Variants in RUNX3 observed in about 807,000 individuals in gnomAD.
RUNX3 encodes runt-related transcription factor 3.
A neutral mutation model predicts 27.7 loss-of-function variants in RUNX3; 10 were observed. The ratio of observed to expected loss-of-function variants is 0.36; its 90% CI spans 0.22 to 0.61. The LOEUF (loss-of-function observed/expected upper bound fraction) is 0.61. RUNX3 is among the 20% of genes least tolerant of loss of function. RUNX3 has a pLI of 0.72. For synonymous variants in RUNX3, 270 were observed against 269.2 expected (o/e 1.00, Z -0.03); for missense variants, 469 against 629.5 (o/e 0.75, Z 2.73).
At chr1:24,931,268 C>G (rs1557847937), upstream of RUNX3, among the ~76,000 whole-genome samples, 2 of 152,206 alleles carry the variant, frequency 1.3e-5, no homozygotes, top group Non-Finnish European at 2.9e-5. Context: ...TGGGCCCGTG[C>G]GCTCCGGCTG....
At chr1:24,950,098 A>G (rs1641720701) in intron 2 of RUNX3, among the ~76,000 whole-genome samples, 1 of 152,272 alleles carries the variant, frequency 6.6e-6, no homozygotes. Flanking sequence ...ATCCTCAGGC[A>G]GGGCCAGTTA....
rs1450921624 is a variant in RUNX3 at position 24,907,431 on chromosome 1, G to A, written c.545-14C>T. On this transcript the variant is annotated splice_polypyrimidine_tract_variant and intron_variant, in intron 3 of 4. Transcript: ENST00000308873. ...TCTGCCGGTGCCCTGCAGAGCACAG[G>A]AAGCCCATCAGCCGTTGCTTCCCCA... The A allele has an allele frequency of 6.2e-7, 1 of 1,605,826 alleles. No homozygotes were observed. Among genetic ancestry groups the A allele is most frequent in the Non-Finnish European group, 8.5e-7 (1 of 1,174,506 alleles).
rs1641404537 is a variant in RUNX3, at chr1:24,938,689, G to A, written c.59-8837C>T. Reference sequence around the variant, plus strand: ...TGATGGTATTAAGAGGCAGTGGGGGGCCTTTCGGGAAGTGATTAAGTGGTG... The same window carrying A: ...TGATGGTATTAAGAGGCAGTGGGGGACCTTTCGGGAAGTGATTAAGTGGTG... On this transcript the variant is annotated intron_variant, in intron 2 of 6. Coordinates refer to the RUNX3 transcript ENST00000338888. 5.3e-5 allele frequency among the ~76,000 whole-genome samples: 8 copies of A among 152,326 alleles called. No homozygotes were observed. In the South Asian group the frequency reaches 1.7e-3, roughly 32 times the overall value.
intron 2 of RUNX3, among the ~76,000 whole-genome samples, chr1:24,964,301 C>T (rs1341545559): frequency 3.3e-5 from 5 of 152,204 alleles, no homozygotes; most frequent in Non-Finnish European, 5.9e-5. Flanking sequence ...GCTTACTGTC[C>T]CCACCAGCGG....
At chr1:24,954,823 T>A (rs1009718761) in intron 2 of RUNX3, among the ~76,000 whole-genome samples, 1 of 152,196 alleles carries the variant, frequency 6.6e-6, no homozygotes, top group Admixed American at 6.5e-5. Flanking sequence ...CTGTGGTCTC[T>A]GTTCACACAC....
chr1:24,926,172 C>T (rs1390959603), intron 2 of RUNX3, among the ~76,000 whole-genome samples: 1 of 152,220 alleles, frequency 6.6e-6, no homozygotes, highest in African/African-American at 2.4e-5. Context: ...CACTGCCCCG[C>T]AGTCAGCAGA....
chr1:24,960,946 CT>C (rs1291821037), intron 2 of RUNX3, among the ~76,000 whole-genome samples: 4 of 152,160 alleles, frequency 2.6e-5, no homozygotes, highest in African/African-American at 9.7e-5. Flanking sequence ...CAGGGGGCCC[CT>C]GTGCCCTCTC....
chr1:24,948,882 C>T (rs1641683288), intron 2 of RUNX3, among the ~76,000 whole-genome samples: 1 of 152,070 alleles, frequency 6.6e-6, no homozygotes, highest in South Asian at 2.1e-4. Flanking sequence ...GCCTGACCTC[C>T]TCTTATGATT....
chr1:24,952,369 T>C (rs912397257), intron 2 of RUNX3, among the ~76,000 whole-genome samples: 1 of 152,200 alleles, frequency 6.6e-6, no homozygotes, highest in Non-Finnish European at 1.5e-5. Context: ...GAGCATACAC[T>C]ATTTTAGATC....
intron 2 of RUNX3, among the ~76,000 whole-genome samples, chr1:24,921,223 A>G (rs551915388): frequency 1.3e-5 from 2 of 152,306 alleles, no homozygotes; most frequent in East Asian, 3.9e-4. Context: ...AGTATCTCAC[A>G]GTTCTCTTTG....
At chr1:24,954,414 T>G (rs1641859527) in intron 2 of RUNX3, among the ~76,000 whole-genome samples, 1 of 152,158 alleles carries the variant, frequency 6.6e-6, no homozygotes, top group Non-Finnish European at 1.5e-5. Context: ...TCATAAAGAA[T>G]GGAAGCCCAC....
intron 2 of RUNX3, among the ~76,000 whole-genome samples, chr1:24,936,847 A>G (rs889070408): frequency 6.6e-6 from 1 of 152,220 alleles, no homozygotes; most frequent in African/African-American, 2.4e-5. Context: ...CCTTACGCAG[A>G]TGAAGATTGC....
chr1:24,916,901 C>T lies in RUNX3; in HGVS notation c.544+2339G>A, dbSNP rs998264756. 7.2e-5 allele frequency among the ~76,000 whole-genome samples: 11 copies of T among 152,174 alleles called. No homozygotes were observed. The highest frequency in any genetic ancestry group is 1.6e-4 in the Non-Finnish European group (11 of 68,032). On this transcript the variant is annotated intron_variant, in intron 3 of 4. Transcript: ENST00000308873. The surrounding 1 kb of genome is among the most constrained non-coding windows in gnomAD (Gnocchi z 4.8). Reference sequence around the variant, plus strand: ...CCTCTGTCCCTCCCTCTTGTTGCCTCGTCCTGAGCCACGCATTTACCTTCC... The same window carrying T: ...CCTCTGTCCCTCCCTCTTGTTGCCTTGTCCTGAGCCACGCATTTACCTTCC...
chr1:24,936,117 A>G (rs1641345085), intron 2 of RUNX3, among the ~76,000 whole-genome samples: 1 of 152,202 alleles, frequency 6.6e-6, no homozygotes, highest in Non-Finnish European at 1.5e-5. Flanking sequence ...GGCAGCTTGG[A>G]GCCAAGGGGG....
chr1:24,918,586 T>G (rs373412316), intron 3 of RUNX3, among the ~76,000 whole-genome samples: 6 of 151,440 alleles, frequency 4.0e-5, no homozygotes, highest in East Asian at 1.9e-4. Context: ...CATTCATTCA[T>G]TCAGTCAGTC....
Position 24,930,173 on chromosome 1 carries a change from C to G in RUNX3, c.-305G>C, listed in dbSNP as rs915677714. The G allele has an allele frequency of 2.0e-4, 191 of 978,720 alleles. 1 individual carries two copies. The East Asian group carries it at 4.0e-3, about 21-fold the overall frequency. The allele number at this position is 978,720 out of a possible 1,614,324, so 60.6% of individuals were successfully genotyped here. A position where few individuals can be genotyped will look rare whatever the true frequency, so the allele number is the denominator to read the frequency against. Reference sequence around the variant, plus strand: ...GCTGCCTGGGCCGCGGCGGGGCCCGCGCGGGGCTGTGCCGCTGCCGCCGCC... The same window carrying G: ...GCTGCCTGGGCCGCGGCGGGGCCCGGGCGGGGCTGTGCCGCTGCCGCCGCC... On this transcript the variant is annotated 5_prime_UTR_variant, in exon 1 of 5. Transcript: ENST00000308873. This position sits in a 1 kb window ranked among gnomAD's most constrained non-coding sequence, Gnocchi z 4.1.
chr1:24,907,319 G>C lies in RUNX3; in HGVS notation c.643C>G (p.Pro215Ala), dbSNP rs1026441430. The change falls in exon 4 of 5, where the codon CCC (proline) becomes GCC (alanine). Residue 215 changes from proline to alanine, a missense_variant. By Grantham distance (27) the Pro-to-Ala change is conservative. Transcript: ENST00000308873. ...CTTGTGGTGCTGAGTGAGCCTCGGGGGCTGGGTGTGCTCGGTGTCACCCGC... is the reference window on the plus strand; with the variant it reads ...CTTGTGGTGCTGAGTGAGCCTCGGGCGCTGGGTGTGCTCGGTGTCACCCGC... ...RMRVTPSTPS[P>A]RGSLSTTSHF... 1 of 1,613,324 alleles carries C rather than the reference G, an allele frequency of 6.2e-7. No individual in the cohort carries two copies. The highest frequency in any genetic ancestry group is 8.5e-7 in the Non-Finnish European group (1 of 1,180,014).
intron 2 of RUNX3, among the ~76,000 whole-genome samples, chr1:24,924,476 A>G (rs868445397): frequency 1.3e-5 from 2 of 151,308 alleles, no homozygotes; most frequent in Non-Finnish European, 2.9e-5. Context: ...AAGGAAAGAC[A>G]GTTCTTTTTT....
chr1:24,952,523 C>T (rs1641791949), intron 2 of RUNX3, among the ~76,000 whole-genome samples: 1 of 152,212 alleles, frequency 6.6e-6, no homozygotes, highest in African/African-American at 2.4e-5. Context: ...CAGCTGATAA[C>T]ATCTGAACAC....
Sources: allele counts gnomAD v4.1 joint callset (sites outside exome capture counted in the v4.1 genomes callset), GRCh38; gene constraint gnomAD v4.1.1; non-coding constraint Gnocchi (gnomAD v3.1); transcripts MANE v1.5; gene names NCBI Gene and HGNC (gene_info 2026-07-23, HGNC 2026-07-21).